The following CSMD3 variants were observed in gnomAD, a reference collection of about 807,000 sequenced individuals.
The protein encoded by CSMD3 is CUB and sushi domain-containing protein 3.
In CSMD3, 177 loss-of-function variants were observed where a neutral mutation model predicts 435.2. That is an observed-to-expected ratio of 0.41 (90% CI 0.36 to 0.46). The LOEUF (loss-of-function observed/expected upper bound fraction) is 0.46, where lower values mean the gene tolerates loss of function less well. CSMD3 is among the 20% of genes least tolerant of loss of function. The probability of loss-of-function intolerance (pLI) is 0.34; values close to 1 mark genes in which losing one functional copy is unlikely to be tolerated. For missense variants in CSMD3, 4,265 were observed against 4,504.6 expected (o/e 0.95, Z 1.52); for synonymous variants, 1,656 against 1,520.5 (o/e 1.09, Z -2.07).
At chr8:112,368,237 C>T (rs754290251) in intron 38 of CSMD3, among the ~76,000 whole-genome samples, 3 of 152,072 alleles carry the variant, frequency 2.0e-5, no homozygotes, top group Non-Finnish European at 4.4e-5. Context: ...CACCAGTAAC[C>T]CCTAATACAA....
intron 5 of CSMD3, among the ~76,000 whole-genome samples, chr8:113,057,648 T>G (rs2088405212): frequency 6.6e-6 from 1 of 152,030 alleles, no homozygotes; most frequent in East Asian, 1.9e-4. Flanking sequence ...TAAGAAAATT[T>G]TGTTATTAGT....
intron 3 of CSMD3, among the ~76,000 whole-genome samples, chr8:113,186,667 T>C (rs2092507346): frequency 6.6e-6 from 1 of 151,986 alleles, no homozygotes; most frequent in South Asian, 2.1e-4. Flanking sequence ...ATGGAACTCT[T>C]CGGGGCACTG....
chr8:112,246,250 G>A (rs1471689908), intron 64 of CSMD3, among the ~76,000 whole-genome samples: 1 of 152,148 alleles, frequency 6.6e-6, no homozygotes, highest in Non-Finnish European at 1.5e-5. Flanking sequence ...TCTGAACAGG[G>A]ATAGAGTAAA....
At chr8:112,905,211 T>C (rs1299079255) in intron 10 of CSMD3, among the ~76,000 whole-genome samples, 2 of 151,252 alleles carry the variant, frequency 1.3e-5, no homozygotes, top group Admixed American at 1.3e-4. Flanking sequence ...ACCTCTATCA[T>C]AGTTCTTAAC....
chr8:113,364,493 G>T (rs956483639), intron 1 of CSMD3, among the ~76,000 whole-genome samples: 1 of 152,022 alleles, frequency 6.6e-6, no homozygotes, highest in Non-Finnish European at 1.5e-5. Flanking sequence ...ATTTCAACAA[G>T]TTCTAGTTTT....
chr8:112,902,502 C>A (rs1462528145), intron 10 of CSMD3, among the ~76,000 whole-genome samples: 1 of 151,102 alleles, frequency 6.6e-6, no homozygotes, highest in Non-Finnish European at 1.5e-5. Context: ...GTGCAGTGGC[C>A]CCTCAGTTCA....
intron 31 of CSMD3, among the ~76,000 whole-genome samples, chr8:112,477,776 A>G (rs1384660407): frequency 6.6e-6 from 1 of 152,212 alleles, no homozygotes; most frequent in East Asian, 1.9e-4. Context: ...TTCTTTATAA[A>G]TAACCTAGTC....
chr8:112,917,129 A>G (rs971741850), intron 10 of CSMD3, among the ~76,000 whole-genome samples: 7 of 151,930 alleles, frequency 4.6e-5, no homozygotes, highest in Admixed American at 4.0e-4. Flanking sequence ...CCATATTGAT[A>G]ACTGTCCTCT....
intron 1 of CSMD3, among the ~76,000 whole-genome samples, chr8:113,343,563 G>A (rs765329979): frequency 3.9e-5 from 6 of 152,198 alleles, no homozygotes; most frequent in Middle Eastern, 3.4e-3. Flanking sequence ...AAGAACTATC[G>A]TACAGGCTCA....
chr8:112,456,956 T>A (rs1285531664), intron 32 of CSMD3, among the ~76,000 whole-genome samples: 3 of 152,110 alleles, frequency 2.0e-5, no homozygotes, highest in Admixed American at 1.3e-4. Flanking sequence ...AAAATGGATG[T>A]GTTCCTGAGA....
intron 11 of CSMD3, among the ~76,000 whole-genome samples, chr8:112,836,206 T>C (rs568357259): frequency 6.6e-6 from 1 of 151,886 alleles, no homozygotes; most frequent in Non-Finnish European, 1.5e-5. Context: ...AAGTATGTTT[T>C]ACATAGGTAT....
rs2131545777 is a variant in CSMD3 at position 113,098,752 on chromosome 8, T to C, written c.917+4A>G. 6.3e-7 allele frequency: 1 copy of C among 1,575,094 alleles called. No homozygotes were observed. The highest frequency in any genetic ancestry group is 1.1e-5 in the South Asian group (1 of 90,314). ...TGCAAGGTTAATAGAAGCTATTTAC[T>C]TACCATATGGTAGGTGGCTCAGAAC... On this transcript the variant is annotated splice_donor_region_variant and intron_variant, in intron 5 of 70. Transcript: ENST00000297405.
chr8:112,745,257 GGAGGGCTCACTGAAAACTTGT>G (rs1299216191), intron 13 of CSMD3, among the ~76,000 whole-genome samples: 1 of 151,962 alleles, frequency 6.6e-6, no homozygotes, highest in Non-Finnish European at 1.5e-5. Flanking sequence ...TATCATGTTG[GGAGGGCTCACTGAAAACTTGT>G]GTAGTTCCTA....
intron 4 of CSMD3, among the ~76,000 whole-genome samples, chr8:113,153,059 AAAAGAAAAAAG>A (rs925858840): frequency 1.4e-5 from 2 of 143,370 alleles, no homozygotes; most frequent in Non-Finnish European, 3.0e-5. Flanking sequence ...GAAGAGAGAA[AAAAGAAAAAAG>A]AAAGAAAAAG....
intron 1 of CSMD3, among the ~76,000 whole-genome samples, chr8:113,429,165 C>T (rs16884662): frequency 0.21 from 31,261 of 151,026 alleles, 4,216 homozygotes; most frequent in East Asian, 0.46. Context: ...AAATTGATAA[C>T]GTATGGATGT....
At chr8:112,645,292 T>C (rs1177026908) in intron 19 of CSMD3, 67 bp from the exon 20 acceptor site, 1 of 878,202 alleles carries the variant, frequency 1.1e-6, no homozygotes, top group African/African-American at 1.6e-5. Flanking sequence ...CAAATCTCTA[T>C]CTCCTCTCTT....
At chr8:113,018,526 C>T (rs1334792302) in intron 6 of CSMD3, among the ~76,000 whole-genome samples, 1 of 152,080 alleles carries the variant, frequency 6.6e-6, no homozygotes, top group South Asian at 2.1e-4. Context: ...ATTGTAGAAG[C>T]TACATTTTCA....
intron 3 of CSMD3, among the ~76,000 whole-genome samples, 176 bp from the exon 4 acceptor site, chr8:113,174,092 A>C (rs1375622641): frequency 6.6e-6 from 1 of 152,186 alleles, no homozygotes; most frequent in African/African-American, 2.4e-5. Context: ...AAGAAAACTA[A>C]ACCTTATCAC....
chr8:112,618,639 T>C (rs1393509917), intron 22 of CSMD3, among the ~76,000 whole-genome samples: 3 of 150,030 alleles, frequency 2.0e-5, no homozygotes, highest in Non-Finnish European at 3.0e-5. Context: ...TCATGGAGTA[T>C]AGACACAGAC....
Sources: allele counts gnomAD v4.1 joint callset (sites outside exome capture counted in the v4.1 genomes callset), GRCh38; gene constraint gnomAD v4.1.1; transcripts MANE v1.5; gene names NCBI Gene and HGNC (gene_info 2026-07-23, HGNC 2026-07-21).